PAK3: variants seen among roughly 807,000 people sequenced by gnomAD.
The protein encoded by PAK3 is serine/threonine-protein kinase PAK 3.
Under a neutral mutation model 41.0 loss-of-function variants are expected in PAK3, and 4 were observed. The ratio of observed to expected loss-of-function variants is 0.10; its 90% confidence interval spans 0.05 to 0.22. The LOEUF is 0.22. PAK3 is among the 10% of genes least tolerant of loss of function. The pLI is 1.00. For synonymous variants in PAK3, 146 were observed against 139.6 expected (o/e 1.05, Z -0.32); for missense variants, 205 against 409.9 (o/e 0.50, Z 4.32).
chrX:111,043,584 G>A (rs2092471380), intron 1 of PAK3, among the ~76,000 whole-genome samples: 1 of 112,019 alleles, frequency 8.9e-6, no homozygotes, highest in Non-Finnish European at 1.9e-5. Context: ...ACTATTTGTA[G>A]TAGTGATTTG....
intron 17 of PAK3, among the ~76,000 whole-genome samples, chrX:111,217,932 T>C (rs1159107852): frequency 3.5e-5 from 4 of 112,753 alleles, no homozygotes; most frequent in Admixed American, 2.8e-4. Flanking sequence ...GATCATTAAA[T>C]CAATTATCTA....
In PAK3 at chrX:111,220,715, C is replaced by T; in HGVS notation, c.*268C>T. 2.8e-6 allele frequency: 1 copy of T among 356,460 alleles called. No homozygotes were observed. The highest frequency in any genetic ancestry group is 5.2e-5 in the South Asian group (1 of 19,377). The allele number at this position is 356,460 out of a possible 1,213,427, so 29.4% of individuals were successfully genotyped here. A position where few individuals can be genotyped will look rare whatever the true frequency, so the allele number is the denominator to read the frequency against. ...TGAAGCGAAAGAGCCAGTAGTGAAT[C>T]CCCTCATTTTGTGCATTCACTTTGA... On this transcript the variant is annotated 3_prime_UTR_variant, in exon 18 of 18. Coordinates refer to ENST00000372007, the MANE Select transcript of PAK3 (RefSeq NM_002578.5).
rs62612550 is a variant in PAK3 at position 111,156,943 on chromosome X, C to G, written c.468+4496C>G. ...ATATTTAGAATCCTAAGTTAGTATTCCAACTGGAAGGTAACAGCAATAATA... is the reference window on the plus strand; with the variant it reads ...ATATTTAGAATCCTAAGTTAGTATTGCAACTGGAAGGTAACAGCAATAATA... On this transcript the variant is annotated intron_variant, in intron 8 of 17. Transcript: ENST00000372007. 8.2e-3 allele frequency among the ~76,000 whole-genome samples: 919 copies of G among 111,900 alleles called. 5 individuals carry two copies. Among genetic ancestry groups the G allele is most frequent in the Non-Finnish European group, 0.011 (602 of 53,195 alleles).
At chrX:111,184,412 T>A (rs957559920) in intron 11 of PAK3, among the ~76,000 whole-genome samples, 16 of 109,916 alleles carry the variant, frequency 1.5e-4, no homozygotes, top group Admixed American at 8.8e-4. Context: ...TTTTTTTTTT[T>A]AATTATACTT....
chrX:111,203,740 G>C (rs1393931209), intron 16 of PAK3, among the ~76,000 whole-genome samples: 2 of 112,079 alleles, frequency 1.8e-5, no homozygotes, highest in East Asian at 2.8e-4. Context: ...AGGCTAAACT[G>C]TTTCTAAATC....
intron 1 of PAK3, among the ~76,000 whole-genome samples, chrX:111,038,003 T>A (rs2148764724): frequency 9.0e-6 from 1 of 111,564 alleles, no homozygotes; most frequent in South Asian, 3.8e-4. Context: ...TTACTGGCTG[T>A]TTGGATGTTG....
Position 111,173,009 on chromosome X carries a change from A to T in PAK3, c.767-9A>T. 9.5e-7 allele frequency: 1 copy of T among 1,055,986 alleles called. No homozygotes were observed. The highest frequency in any genetic ancestry group is 1.9e-5 in the African/African-American group (1 of 54,052). The allele number at this position is 1,055,986 out of a possible 1,213,427, so 87.0% of individuals were successfully genotyped here. ...CTCCTCTTTTCTTCTCTCCCCACCC[A>T]TCTCTTAGGAAGCATTGTGAGTGTT... On this transcript the variant is annotated splice_polypyrimidine_tract_variant and intron_variant, in intron 10 of 17. Transcript: ENST00000372007.
intron 11 of PAK3, among the ~76,000 whole-genome samples, chrX:111,186,298 C>T (rs2094509828): frequency 9.0e-6 from 1 of 111,220 alleles, no homozygotes; most frequent in East Asian, 2.8e-4. Flanking sequence ...CCAGGGCAAT[C>T]AGGAAACAGA....
At chrX:111,193,973 G>A (rs1603375794) in intron 13 of PAK3, among the ~76,000 whole-genome samples, 1 of 111,047 alleles carries the variant, frequency 9.0e-6, no homozygotes, top group African/African-American at 3.3e-5. Context: ...CTTAGGGCAG[G>A]GTGGGAACAT....
chrX:111,034,825 G>A (rs773525688), intron 1 of PAK3, among the ~76,000 whole-genome samples: 1 of 111,156 alleles, frequency 9.0e-6, no homozygotes, highest in African/African-American at 3.3e-5. Flanking sequence ...TGGTGGCTGG[G>A]CGCAGTGGCT....
Position 111,163,683 on chromosome X carries a change from G to T in PAK3, c.722G>T (p.Arg241Ile). 8.3e-7 allele frequency: 1 copy of T among 1,206,371 alleles called. No individual in the cohort carries two copies. The highest frequency in any genetic ancestry group is 1.1e-6 in the Non-Finnish European group (1 of 890,837). The change falls in exon 10 of 18, where the codon AGA becomes ATA. Residue 241 changes from arginine (R) to isoleucine (I), a missense_variant. Physicochemically the swap from Arg to Ile is moderately conservative, Grantham distance 97. Transcript: ENST00000372007. The stretch of plus-strand genomic sequence containing the variant: ...TTGTACAGGAACACAGATCGGCAAA[G>T]AAAAAAATCCAAGATGACAGATGAG... ...STLYRNTDRQ[R>I]KKSKMTDEEI... is the part of the protein sequence containing the mutation.
intron 1 of PAK3, among the ~76,000 whole-genome samples, chrX:110,969,270 A>C (rs1362103421): frequency 1.9e-5 from 2 of 103,236 alleles, no homozygotes; most frequent in East Asian, 6.2e-4. Flanking sequence ...ATTACTTGTC[A>C]AAAAGGCAAT....
Position 111,221,609 on chromosome X carries a change from G to A in PAK3, c.*1162G>A, listed in dbSNP as rs1395153128. ...ATTATTTATTTTGACAATTTATAAC[G>A]TTTAAAAAAGTTTTTTAAAGATCTA... On this transcript the variant is annotated 3_prime_UTR_variant, in exon 18 of 18. Transcript: ENST00000372007. 2 of 111,624 alleles carry A rather than the reference G, an allele frequency of 1.8e-5. No individual in the cohort carries two copies. The highest frequency in any genetic ancestry group is 6.5e-5 in the African/African-American group (2 of 30,717). 9.2% of individuals were successfully genotyped at this position (111,624 alleles called of 1,213,427 possible).
intron 11 of PAK3, among the ~76,000 whole-genome samples, chrX:111,181,986 C>G (rs1261180746): frequency 6.3e-5 from 7 of 111,785 alleles, no homozygotes. Context: ...GTTTATGGAG[C>G]AATGGAAGAT....
Position 111,056,978 on chromosome X carries a change from G to A in PAK3, c.-27-66099G>A, listed in dbSNP as rs1474900900. ...TTCTGTATTTACATTCCAATAAAGT[G>A]TGTAAACATGCATGTTTCCTCAATC... On this transcript the variant is annotated intron_variant, in intron 1 of 14. Coordinates refer to the PAK3 transcript ENST00000425146. Among the ~76,000 whole-genome samples, 5 of 111,565 alleles carry A rather than the reference G, an allele frequency of 4.5e-5. 1 individual carries two copies.
intron 1 of PAK3, among the ~76,000 whole-genome samples, chrX:110,975,578 A>T (rs1328413651): frequency 8.9e-6 from 1 of 111,897 alleles, no homozygotes; most frequent in East Asian, 2.8e-4. Context: ...CAAGCTACCA[A>T]TGGCTTTCTT....
chrX:111,174,198 G>T (rs1319126093), intron 11 of PAK3, among the ~76,000 whole-genome samples: 11 of 111,547 alleles, frequency 9.9e-5, no homozygotes, highest in African/African-American at 3.6e-4. Flanking sequence ...TATTTTTCAT[G>T]ATTTTATATT....
intron 1 of PAK3, among the ~76,000 whole-genome samples, chrX:110,964,625 G>T (rs1245739750): frequency 8.9e-6 from 1 of 112,306 alleles, no homozygotes; most frequent in Non-Finnish European, 1.9e-5. Flanking sequence ...TGCTCCCCTT[G>T]TCCTAGAATG....
At chrX:110,971,378 ATGTT>A (rs2091204931) in intron 1 of PAK3, among the ~76,000 whole-genome samples, 1 of 112,060 alleles carries the variant, frequency 8.9e-6, no homozygotes, top group Non-Finnish European at 1.9e-5. Flanking sequence ...ACTTAGCATA[ATGTT>A]TTCAAGGTTC....
Sources: gnomAD v4.1 joint callset for allele counts (sites outside exome capture counted in the v4.1 genomes callset) on GRCh38, gnomAD v4.1.1 for gene constraint, MANE v1.5 for transcripts, NCBI Gene and HGNC (gene_info 2026-07-23, HGNC 2026-07-21) for gene names.